FAM53C: variants seen among roughly 807,000 people sequenced by gnomAD.
The protein encoded by FAM53C is family with sequence similarity 53 member C, also known as protein FAM53C.
FAM53C carries 10 observed loss-of-function variants against 34.7 expected under a neutral mutation model. The observed-to-expected ratio is 0.29, with a 90% CI of 0.18 to 0.49. The LOEUF is 0.49. Among genes scored for constraint, FAM53C ranks in the 20% least tolerant of loss-of-function variants. FAM53C has a pLI of 0.99. For synonymous variants in FAM53C, 203 were observed against 203.6 expected (o/e 1.00, Z 0.03); for missense variants, 442 against 515.3 (o/e 0.86, Z 1.38).
Position 138,345,022 on chromosome 5 carries a change from C to T in FAM53C, c.334C>T (p.Pro112Ser), listed in dbSNP as rs748000190. 6.2e-7 allele frequency: 1 copy of T among 1,613,860 alleles called. No homozygotes were observed. Among genetic ancestry groups the T allele is most frequent in the Non-Finnish European group, 8.5e-7 (1 of 1,179,852 alleles). ...DPEKLPVPPA[P>S]PSKRHCRSLS... ...AGAGAAGCTTCCTGTGCCCCCTGCC[C>T]CTCCATCCAAGAGGCACTGCCGCTC... The change falls in exon 4 of 5, where the codon CCT becomes TCT. Residue 112 changes from proline (P) to serine (S), a missense_variant. By Grantham distance (74) the Pro-to-Ser change is moderately conservative. Transcript: ENST00000239906. The surrounding 1 kb of genome is among the most constrained non-coding windows in gnomAD (Gnocchi z 6.3).
At position 138,348,950 on chromosome 5, in the gene FAM53C, GCCA is replaced by G. The variant is rs1761252808; in HGVS notation, c.*1992_*1994del. ...CAGCTTCCAACAGGTTACTGGCAAT[GCCA>G]GTGAGTTTCTGTAGGCCCTAAGCTG... On this transcript the variant is annotated 3_prime_UTR_variant, in exon 5 of 5. Transcript: ENST00000239906. 6.6e-6 allele frequency: 1 copy of G among 152,288 alleles called. No homozygotes were observed. 9.4% of individuals were successfully genotyped at this position (152,288 alleles called of 1,614,324 possible).
chr5:138,341,142 G>T, intron 1 of FAM53C, 42 bp from the exon 2 acceptor site: 1 of 697,924 alleles, frequency 1.4e-6, no homozygotes, highest in Non-Finnish European at 2.7e-6. Context: ...TGGACCAGGT[G>T]CATCTCTAAT....
intron 1 of FAM53C, among the ~76,000 whole-genome samples, chr5:138,340,609 C>A (rs1234721110): frequency 6.6e-6 from 1 of 152,164 alleles, no homozygotes; most frequent in African/African-American, 2.4e-5. Context: ...TTGGAATTAC[C>A]CTGACCATTT....
chr5:138,338,065 C>T (rs1317832272), upstream of FAM53C: 3 of 1,289,794 alleles, frequency 2.3e-6, no homozygotes, highest in South Asian at 2.5e-5. Flanking sequence ...GAAACCACCC[C>T]CATCCCTAAA....
Sources: allele counts gnomAD v4.1 joint callset (sites outside exome capture counted in the v4.1 genomes callset), GRCh38; gene constraint gnomAD v4.1.1; non-coding constraint Gnocchi (gnomAD v3.1); transcripts MANE v1.5; gene names NCBI Gene and HGNC (gene_info 2026-07-23, HGNC 2026-07-21).